SAMD14: variants seen among roughly 807,000 people sequenced by gnomAD.
SAMD14 encodes sterile alpha motif domain-containing protein 14.
Under a neutral mutation model 46.2 loss-of-function variants are expected in SAMD14, and 27 were observed. The ratio of observed to expected loss-of-function variants is 0.58; its 90% CI spans 0.43 to 0.81. The LOEUF is 0.81. Among genes scored for constraint, SAMD14 ranks in the 30% least tolerant of loss-of-function variants. The probability of loss-of-function intolerance (pLI) is 0.00; values close to 1 mark genes in which losing one functional copy is unlikely to be tolerated. For missense variants in SAMD14, 559 were observed against 582.2 expected (o/e 0.96, Z 0.41); for synonymous variants, 241 against 254.3 (o/e 0.95, Z 0.50).
chr17:50,126,786 T>C (rs1252092855), intron 1 of SAMD14, among the ~76,000 whole-genome samples: 1 of 151,870 alleles, frequency 6.6e-6, no homozygotes, highest in Non-Finnish European at 1.5e-5. Flanking sequence ...CTGGGCAACA[T>C]AGTGAGACCC....
chr17:50,121,824 C>A (rs1911515896), intron 2 of SAMD14, among the ~76,000 whole-genome samples: 1 of 152,144 alleles, frequency 6.6e-6, no homozygotes, highest in African/African-American at 2.4e-5. Context: ...GATGGCCAGG[C>A]TGAAGCCAGT....
At chr17:50,114,461 C>T (rs1598222494) in intron 7 of SAMD14, 155 bp from the exon 8 acceptor site, 13 of 1,604,522 alleles carry the variant, frequency 8.1e-6, no homozygotes, top group Non-Finnish European at 8.5e-6. Context: ...GACATGATAA[C>T]TCATGTCAGG....
Position 50,110,772 on chromosome 17 carries a change from C to T in SAMD14, c.*2121G>A, listed in dbSNP as rs1910785988. The T allele has an allele frequency of 6.6e-6, 1 of 152,234 alleles. No homozygotes were observed. The highest frequency in any genetic ancestry group is 1.5e-5 in the Non-Finnish European group (1 of 68,080). 9.4% of individuals were successfully genotyped at this position (152,234 alleles called of 1,614,324 possible). A position where few individuals can be genotyped will look rare whatever the true frequency, so the allele number is the denominator to read the frequency against. On this transcript the variant is annotated 3_prime_UTR_variant, in exon 10 of 10. Transcript: ENST00000330175. Reference sequence around the variant, plus strand: ...GCAGTGGCCTTGGCAATGTCTGTGCCACCTCCTGAGCCCTCCCAGCATGTC... The same window carrying T: ...GCAGTGGCCTTGGCAATGTCTGTGCTACCTCCTGAGCCCTCCCAGCATGTC...
At position 50,110,248 on chromosome 17, in the gene SAMD14, C is replaced by A; in HGVS notation, c.*2645G>T. On this transcript the variant is annotated 3_prime_UTR_variant, in exon 10 of 10. Coordinates refer to ENST00000330175, the MANE Select transcript of SAMD14 (RefSeq NM_001257359.2). ...TATGGAAGTCACTGCGGTGATAGGT[C>A]TGTGATGGTCCCTAAGTGCCAGTCC... 1.3e-6 allele frequency: 1 copy of A among 786,642 alleles called. No homozygotes were observed. Among genetic ancestry groups the A allele is most frequent in the Non-Finnish European group, 1.9e-6 (1 of 529,052 alleles). 48.7% of individuals were successfully genotyped at this position (786,642 alleles called of 1,614,324 possible).
In SAMD14 at chr17:50,128,482, T is replaced by TCTCACACACA. The variant is rs550871572; in HGVS notation, c.-13+1034_-13+1035insTGTGTGTGAG. ...TCCCACACACACCCCGCACACTCTC[T>TCTCACACACA]CACACACACACACACACACACACAC... On this transcript the variant is annotated intron_variant, in intron 1 of 9. Transcript: ENST00000330175. Among the ~76,000 whole-genome samples the TCTCACACACA allele has an allele frequency of 3.4e-3, 457 of 135,878 alleles. 2 individuals are homozygous for TCTCACACACA. The highest frequency in any genetic ancestry group is 0.011 in the African/African-American group (385 of 35,042). 89.1% of individuals were successfully genotyped at this position (135,878 alleles called of 152,430 possible). A position where few individuals can be genotyped will look rare whatever the true frequency, so the allele number is the denominator to read the frequency against.
chr17:50,122,271 A>T, intron 2 of SAMD14, among the ~76,000 whole-genome samples: 1 of 152,126 alleles, frequency 6.6e-6, no homozygotes, highest in East Asian at 1.9e-4. Flanking sequence ...AGAGGGTGAA[A>T]CCCTTCCCTG....
Position 50,110,055 on chromosome 17 carries a change from C to A in SAMD14, c.*2838G>T. The A allele has an allele frequency of 6.2e-7, 1 of 1,611,106 alleles. No homozygotes were observed. On this transcript the variant is annotated 3_prime_UTR_variant, in exon 10 of 10. Transcript: ENST00000330175. ...AGGAGGCCGGCGACTGGTGTGTGCC[C>A]AGCACGGAGCCCAAGAACACGTCCA...
intron 3 of SAMD14, 122 bp from the exon 4 acceptor site, chr17:50,117,817 C>T: frequency 4.7e-6 from 5 of 1,073,808 alleles, no homozygotes; most frequent in East Asian, 3.2e-5. Context: ...GGGAGGGTTT[C>T]CTCATGCCTT....
chr17:50,128,326 A>C (rs768149044), intron 1 of SAMD14, among the ~76,000 whole-genome samples: 7 of 151,812 alleles, frequency 4.6e-5, no homozygotes, highest in Non-Finnish European at 8.8e-5. Context: ...TTCAACAACT[A>C]ACTTTCTGGG....
rs990515847 is a variant in SAMD14, at chr17:50,111,692, C to T, written c.*1201G>A. The T allele has an allele frequency of 1.3e-5, 2 of 152,286 alleles. No individual in the cohort carries two copies. Among genetic ancestry groups the T allele is most frequent in the African/African-American group, 4.8e-5 (2 of 41,448 alleles). The allele number at this position is 152,286 out of a possible 1,614,324, so 9.4% of individuals were successfully genotyped here. On this transcript the variant is annotated 3_prime_UTR_variant, in exon 10 of 10. Coordinates refer to ENST00000330175, the MANE Select transcript of SAMD14 (RefSeq NM_001257359.2). ...CCCAGGCCTCATCGGTAACTCTGAC[C>T]AGTGTCCTGGAAGCGGGACTAGCTG...
chr17:50,118,084 T>C, intron 3 of SAMD14, 77 bp downstream of exon 3: 1 of 1,467,010 alleles, frequency 6.8e-7, no homozygotes, highest in Non-Finnish European at 9.2e-7. Flanking sequence ...GGAAGAGCAC[T>C]CTGGAGAGAT....
Position 50,115,587 on chromosome 17 carries a change from T to C in SAMD14, c.799A>G (p.Ser267Gly), listed in dbSNP as rs922030486. 4 of 1,568,852 alleles carry C rather than the reference T, an allele frequency of 2.5e-6. No individual in the cohort carries two copies. Among genetic ancestry groups the C allele is most frequent in the African/African-American group, 1.4e-5 (1 of 73,904 alleles). Reference protein sequence around the residue: ...PTCSPKHEGFSPKKSASQEST... With the variant: ...PTCSPKHEGFGPKKSASQEST... ...ACCTGGGAAGCTGACTTCTTAGGGC[T>C]GAAGCCCTCGTGTTTAGGGGAGCAG... Residue 267 changes from serine (S) to glycine (G), a missense_variant, in exon 7 of 10, where the codon AGC becomes GGC. By Grantham distance (56) the Ser-to-Gly change is moderately conservative (BLOSUM62 0). Coordinates refer to ENST00000330175, the MANE Select transcript of SAMD14 (RefSeq NM_001257359.2). This position sits in a 1 kb window ranked among gnomAD's most constrained non-coding sequence, Gnocchi z 5.3.
In SAMD14 at chr17:50,129,044, T is replaced by C. The variant is rs1911911120; in HGVS notation, c.-13+473A>G. Among the ~76,000 whole-genome samples, 1 of 151,852 alleles carries C rather than the reference T, an allele frequency of 6.6e-6. No individual in the cohort carries two copies. The highest frequency in any genetic ancestry group is 1.5e-5 in the Non-Finnish European group (1 of 67,946). The stretch of plus-strand genomic sequence containing the variant: ...GGCAGTTGTGGAGCCAGAGAGGTGG[T>C]CCCCCCTTCCCATATCGCCGGCCGT... On this transcript the variant is annotated intron_variant, in intron 1 of 9. Coordinates refer to ENST00000330175, the MANE Select transcript of SAMD14 (RefSeq NM_001257359.2). The surrounding 1 kb of genome is among the most constrained non-coding windows in gnomAD (Gnocchi z 5.6).
In SAMD14 at chr17:50,124,771, G is replaced by GCACGCACACACA. The variant is rs1555563138; in HGVS notation, c.43+145_43+146insTGTGTGTGCGTG. 1.5e-3 allele frequency: 850 copies of GCACGCACACACA among 569,648 alleles called. 6 individuals carry two copies. In the African/African-American group the frequency reaches 0.016, roughly 10 times the overall value. 35.3% of individuals were successfully genotyped at this position (569,648 alleles called of 1,614,324 possible). A position where few individuals can be genotyped will look rare whatever the true frequency, so the allele number is the denominator to read the frequency against. On this transcript the variant is annotated intron_variant, in intron 2 of 9. Transcript: ENST00000330175. ...TACCTGCACGCGTGCACGCGCGCGCGCACACACACACACACACACACACAC... is the reference window on the plus strand; with the variant it reads ...TACCTGCACGCGTGCACGCGCGCGCGCACGCACACACACACACACACACACACACACACACAC...
chr17:50,114,428 C>G, intron 7 of SAMD14, 122 bp from the exon 8 acceptor site: 3 of 1,613,484 alleles, frequency 1.9e-6, no homozygotes, highest in South Asian at 1.1e-5. Context: ...TGTGCATGAG[C>G]CAGGAGCTGG....
At chr17:50,114,803 A>G in intron 7 of SAMD14, 1 of 177,018 alleles carries the variant, frequency 5.6e-6, no homozygotes, top group Non-Finnish European at 1.2e-5. Context: ...AGGAAGTTCC[A>G]GGTCCGAAGG....
Position 50,113,465 on chromosome 17 carries a change from A to G in SAMD14, c.1099-417T>C, listed in dbSNP as rs1910983502. The G allele has an allele frequency of 1.2e-5, 3 of 252,604 alleles. No individual in the cohort carries two copies. In the South Asian group the frequency reaches 1.7e-4, roughly 14 times the overall value. The allele number at this position is 252,604 out of a possible 1,614,324, so 15.6% of individuals were successfully genotyped here. A position where few individuals can be genotyped will look rare whatever the true frequency, so the allele number is the denominator to read the frequency against. ...CCCTGCCCCAAGCAACTCAGCAGAG[A>G]GCAGGAGACAGGCCAGGAACCTCCC... On this transcript the variant is annotated intron_variant, in intron 9 of 9. Coordinates refer to ENST00000330175, the MANE Select transcript of SAMD14 (RefSeq NM_001257359.2).
Position 50,114,235 on chromosome 17 carries a change from C to G in SAMD14, c.894G>C (p.Glu298Asp). ...SPKIPSGPWQ[E>D]AKCSYPYHTL... ...TGTGGTAGGGGTAAGAACATTTGGC[C>G]TCCTGCCAGGGCCCACTGGGGATCT... is the stretch of plus-strand genomic sequence containing the variant. Residue 298 changes from glutamate to aspartate, a missense_variant, in exon 8 of 10, where the codon GAG becomes GAC. Physicochemically the swap from Glu to Asp is conservative, Grantham distance 45. Coordinates refer to ENST00000330175, the MANE Select transcript of SAMD14 (RefSeq NM_001257359.2). 6.2e-7 allele frequency: 1 copy of G among 1,614,136 alleles called. No individual in the cohort carries two copies. Among genetic ancestry groups the G allele is most frequent in the Non-Finnish European group, 8.5e-7 (1 of 1,180,018 alleles).
chr17:50,120,028 G>A (rs546465231), intron 2 of SAMD14, among the ~76,000 whole-genome samples: 1 of 152,276 alleles, frequency 6.6e-6, no homozygotes, highest in African/African-American at 2.4e-5. Context: ...TAGACATACT[G>A]AAATATTTAC....
Sources: gnomAD v4.1 joint callset for allele counts (sites outside exome capture counted in the v4.1 genomes callset) on GRCh38, gnomAD v4.1.1 for gene constraint, Gnocchi (gnomAD v3.1) non-coding constraint, MANE v1.5 for transcripts, NCBI Gene and HGNC (gene_info 2026-07-23, HGNC 2026-07-21) for gene names.